Variants in NALCN observed in about 807,000 individuals in gnomAD.
The protein encoded by NALCN is sodium leak channel NALCN.
In NALCN, 111 loss-of-function variants were observed where a neutral mutation model predicts 225.3. The observed-to-expected ratio is 0.49, with a 90% CI of 0.42 to 0.58. The LOEUF (loss-of-function observed/expected upper bound fraction) is 0.58. NALCN is among the 20% of genes least tolerant of loss of function. The probability of loss-of-function intolerance (pLI) is 0.00; values close to 1 mark genes in which losing one functional copy is unlikely to be tolerated. For synonymous variants in NALCN, 764 were observed against 769.0 expected (o/e 0.99, Z 0.11); for missense variants, 1,378 against 2,202.4 (o/e 0.63, Z 7.49).
intron 15 of NALCN, among the ~76,000 whole-genome samples, chr13:101,147,312 C>G (rs987457502): frequency 2.0e-5 from 3 of 151,436 alleles, no homozygotes; most frequent in African/African-American, 7.3e-5. Context: ...TGTCTTAAAA[C>G]TTTTCAATGG....
intron 17 of NALCN, among the ~76,000 whole-genome samples, chr13:101,127,916 G>A (rs1290884919): frequency 6.6e-6 from 1 of 152,074 alleles, no homozygotes; most frequent in Non-Finnish European, 1.5e-5. Context: ...TAAACATAAA[G>A]AGCTCAGAGC....
chr13:101,143,551 G>A (rs374028142), intron 16 of NALCN, among the ~76,000 whole-genome samples: 43 of 151,426 alleles, frequency 2.8e-4, no homozygotes, highest in East Asian at 7.8e-4. Flanking sequence ...CACAACCTCC[G>A]CCTCCCGAGT....
Position 101,098,044 on chromosome 13 carries a change from C to T in NALCN, c.3163-2364G>A, listed in dbSNP as rs182355301. ...AATCTCAGAAGCTGTGATTTCGAAG[C>T]CCATGCTCCTTCCTCCTTGTTCGGT... On this transcript the variant is annotated intron_variant, in intron 27 of 43. Coordinates refer to ENST00000251127, the MANE Select transcript of NALCN (RefSeq NM_052867.4). 2.0e-5 allele frequency among the ~76,000 whole-genome samples: 3 copies of T among 152,240 alleles called. No individual in the cohort carries two copies. In the East Asian group the frequency reaches 5.8e-4, roughly 29 times the overall value.
intron 13 of NALCN, among the ~76,000 whole-genome samples, chr13:101,194,337 T>C (rs1025741747): frequency 3.3e-5 from 5 of 152,212 alleles, no homozygotes; most frequent in African/African-American, 1.2e-4. Flanking sequence ...CAAGGCTTTC[T>C]GTGACAATGG....
At chr13:101,193,168 C>T (rs1284387118) in intron 13 of NALCN, among the ~76,000 whole-genome samples, 4 of 149,880 alleles carry the variant, frequency 2.7e-5, no homozygotes, top group Non-Finnish European at 5.9e-5. Context: ...ATCCCAAAGT[C>T]ACACTATTAA....
Position 101,082,892 on chromosome 13 carries a change from G to A in NALCN, c.3691-9C>T, listed in dbSNP as rs762406843. ...GGGTCCTCGACGTCCCACTGCAACAGAAACAGCACACGAGTCGTTGCCCAC... is the reference window on the plus strand; with the variant it reads ...GGGTCCTCGACGTCCCACTGCAACAAAAACAGCACACGAGTCGTTGCCCAC... On this transcript the variant is annotated splice_polypyrimidine_tract_variant and intron_variant, in intron 32 of 43. Transcript: ENST00000251127. 42 of 1,613,986 alleles carry A rather than the reference G, an allele frequency of 2.6e-5. No individual in the cohort carries two copies. The highest frequency in any genetic ancestry group is 3.3e-5 in the Non-Finnish European group (39 of 1,179,956).
At chr13:101,082,716 CAGAG>C in intron 33 of NALCN, 89 bp downstream of exon 33, 1 of 1,301,264 alleles carries the variant, frequency 7.7e-7, no homozygotes, top group Non-Finnish European at 1.1e-6. Flanking sequence ...CAATGGAACA[CAGAG>C]AGGAGAGTAA....
chr13:101,065,078 C>G (rs899379548), intron 40 of NALCN, among the ~76,000 whole-genome samples: 5 of 152,172 alleles, frequency 3.3e-5, no homozygotes, highest in African/African-American at 1.2e-4. Context: ...GGGCAGTTCC[C>G]GCATCACAGG....
rs368609218 is a variant in NALCN, at chr13:101,401,290, G to GT, written c.-39-2126dup. 2.5e-3 allele frequency among the ~76,000 whole-genome samples: 368 copies of GT among 149,246 alleles called. 2 individuals are homozygous for GT. The highest frequency in any genetic ancestry group is 7.6e-3 in the African/African-American group (307 of 40,656). On this transcript the variant is annotated intron_variant, in intron 1 of 43. Transcript: ENST00000251127. ...TTAATGTATACAGAGTATTTAAAGT[G>GT]TTTTTTTTTTCTCTGATGTACTGGT...
intron 7 of NALCN, among the ~76,000 whole-genome samples, chr13:101,296,367 A>C (rs2139070494): frequency 6.6e-6 from 1 of 152,342 alleles, no homozygotes; most frequent in South Asian, 2.1e-4. Flanking sequence ...AATACTGCAC[A>C]GATAATTTGG....
intron 10 of NALCN, among the ~76,000 whole-genome samples, chr13:101,271,507 GC>G (rs1392251209): frequency 6.6e-6 from 1 of 151,748 alleles, no homozygotes; most frequent in Admixed American, 6.6e-5. Context: ...GGTAATTACT[GC>G]ATAACCATTT....
intron 1 of NALCN, among the ~76,000 whole-genome samples, chr13:101,406,798 A>G (rs1226133858): frequency 6.6e-6 from 1 of 152,044 alleles, no homozygotes; most frequent in Admixed American, 6.5e-5. Context: ...TACCTTCATT[A>G]TTTTTTTCTC....
At chr13:101,124,824 CT>C in intron 17 of NALCN, 143 bp from the exon 18 acceptor site, 1 of 800,366 alleles carries the variant, frequency 1.2e-6, no homozygotes, top group Non-Finnish European at 2.0e-6. Context: ...CAATTCTTGT[CT>C]ATTTTTACTT....
chr13:101,152,199 A>G lies in NALCN; in HGVS notation c.1840-7303T>C, dbSNP rs1000081894. ...TATGGGCCATAAAAGCTACATTTTT[A>G]TGTGATAGCTGACATCCAAAATGTT... On this transcript the variant is annotated intron_variant, in intron 15 of 43. Coordinates refer to ENST00000251127, the MANE Select transcript of NALCN (RefSeq NM_052867.4). Among the ~76,000 whole-genome samples the G allele has an allele frequency of 2.6e-5, 4 of 152,194 alleles. No individual in the cohort carries two copies. The South Asian group carries it at 8.3e-4, about 32-fold the overall frequency.
At chr13:101,378,960 T>C (rs574526989) in intron 3 of NALCN, among the ~76,000 whole-genome samples, 23 of 152,210 alleles carry the variant, frequency 1.5e-4, no homozygotes, top group Admixed American at 2.6e-4. Context: ...TTGTTCCAAA[T>C]ATGCTATGTA....
At chr13:101,132,346 T>C (rs549944761) in intron 17 of NALCN, among the ~76,000 whole-genome samples, 1 of 152,216 alleles carries the variant, frequency 6.6e-6, no homozygotes, top group East Asian at 1.9e-4. Flanking sequence ...TGTTACATTT[T>C]GGTCAAATAA....
chr13:101,095,290 A>C (rs929375890), intron 28 of NALCN, among the ~76,000 whole-genome samples: 11 of 152,202 alleles, frequency 7.2e-5, no homozygotes, highest in Admixed American at 7.2e-4. Context: ...TAATTTTTTA[A>C]GGCATTTGAA....
intron 11 of NALCN, among the ~76,000 whole-genome samples, chr13:101,255,167 A>C (rs918235533): frequency 2.0e-5 from 3 of 152,122 alleles, no homozygotes; most frequent in Admixed American, 6.5e-5. Context: ...ATATTATATA[A>C]AAAAGAAAAA....
intron 43 of NALCN, 162 bp downstream of exon 43, chr13:101,057,777 G>T (rs2031442284): frequency 3.0e-6 from 2 of 665,220 alleles, no homozygotes; most frequent in African/African-American, 1.8e-5. Flanking sequence ...AGTTATTTTG[G>T]GGGACAATGT....
Sources: allele counts gnomAD v4.1 joint callset (sites outside exome capture counted in the v4.1 genomes callset), GRCh38; gene constraint gnomAD v4.1.1; transcripts MANE v1.5; gene names NCBI Gene and HGNC (gene_info 2026-07-23, HGNC 2026-07-21).